GRB10: variants seen among roughly 807,000 people sequenced by gnomAD.
GRB10 encodes the protein growth factor receptor bound protein 10.
In GRB10, 20 loss-of-function variants were observed where a neutral mutation model predicts 80.9. The observed-to-expected ratio is 0.25, with a 90% CI of 0.17 to 0.36. The LOEUF (loss-of-function observed/expected upper bound fraction) is 0.36. Among genes scored for constraint, GRB10 ranks in the 10% least tolerant of loss-of-function variants. The pLI is 1.00. For synonymous variants in GRB10, 291 were observed against 291.5 expected (o/e 1.00, Z 0.02); for missense variants, 548 against 747.7 (o/e 0.73, Z 3.12).
At chr7:50,776,718 C>T (rs1025191115) in intron 2 of GRB10, among the ~76,000 whole-genome samples, 4 of 152,218 alleles carry the variant, frequency 2.6e-5, no homozygotes, top group East Asian at 1.9e-4. Context: ...AAGTTCTTTG[C>T]GCCTTTGTAG....
At chr7:50,648,977 G>A (rs2057635526) in intron 7 of GRB10, among the ~76,000 whole-genome samples, 2 of 152,108 alleles carry the variant, frequency 1.3e-5, no homozygotes, top group East Asian at 1.9e-4. Context: ...GAGTGGCCAC[G>A]GGACTTGGGG....
At chr7:50,778,513 G>A (rs187087771) in intron 2 of GRB10, among the ~76,000 whole-genome samples, 14 of 152,230 alleles carry the variant, frequency 9.2e-5, no homozygotes, top group Admixed American at 3.3e-4. Context: ...TCAAAAGGTG[G>A]CATTAAGTAG....
intron 4 of GRB10, among the ~76,000 whole-genome samples, 165 bp downstream of exon 4, chr7:50,732,107 A>G (rs2069865802): frequency 6.6e-6 from 1 of 152,232 alleles, no homozygotes; most frequent in South Asian, 2.1e-4. Flanking sequence ...CGAGGCAGAA[A>G]GGGCAGTGGG....
At position 50,590,186 on chromosome 7, in the gene GRB10, G is replaced by C. The variant is rs1293870686; in HGVS notation, c.*2766C>G. On this transcript the variant is annotated 3_prime_UTR_variant, in exon 19 of 19. Coordinates refer to ENST00000401949, the MANE Select transcript of GRB10 (RefSeq NM_001350814.2). ...TTCACGAGCCAAAGAGCTATGTACAGAATGAAGCAAAGCACATGGAATAAA... is the reference window on the plus strand; with the variant it reads ...TTCACGAGCCAAAGAGCTATGTACACAATGAAGCAAAGCACATGGAATAAA... The C allele has an allele frequency of 6.6e-6, 1 of 152,214 alleles. No individual in the cohort carries two copies. The highest frequency in any genetic ancestry group is 1.5e-5 in the Non-Finnish European group (1 of 68,042). The allele number at this position is 152,214 out of a possible 1,614,324, so 9.4% of individuals were successfully genotyped here. A position where few individuals can be genotyped will look rare whatever the true frequency, so the allele number is the denominator to read the frequency against.
chr7:50,646,657 C>T lies in GRB10; in HGVS notation c.505-19679G>A, dbSNP rs1327603159. Reference sequence around the variant, plus strand: ...GTGCTAGATTCCGCAAATTGTCACGCCCTGACTGAATGAACCAGCTTCTTT... The same window carrying T: ...GTGCTAGATTCCGCAAATTGTCACGTCCTGACTGAATGAACCAGCTTCTTT... On this transcript the variant is annotated intron_variant, in intron 7 of 18. Transcript: ENST00000401949. 9.2e-5 allele frequency among the ~76,000 whole-genome samples: 14 copies of T among 152,118 alleles called. No individual in the cohort carries two copies. In the East Asian group the frequency reaches 2.7e-3, roughly 29 times the overall value.
chr7:50,593,945 T>C (rs191807744), intron 18 of GRB10, among the ~76,000 whole-genome samples: 1 of 151,906 alleles, frequency 6.6e-6, no homozygotes, highest in Admixed American at 6.6e-5. Flanking sequence ...GATTTGGGCA[T>C]TACACACTCT....
intron 5 of GRB10, among the ~76,000 whole-genome samples, chr7:50,699,861 C>T (rs558286957): frequency 3.9e-5 from 6 of 152,176 alleles, no homozygotes; most frequent in South Asian, 4.1e-4. Flanking sequence ...TGGGGCCAGG[C>T]GCGGTGGCTC....
At chr7:50,629,396 C>T (rs2053578691) in intron 7 of GRB10, among the ~76,000 whole-genome samples, 1 of 152,132 alleles carries the variant, frequency 6.6e-6, no homozygotes, top group South Asian at 2.1e-4. Flanking sequence ...CGTCCACATC[C>T]ACTCCTTTTA....
At chr7:50,773,195 A>C (rs2077152455) in intron 2 of GRB10, among the ~76,000 whole-genome samples, 1 of 152,056 alleles carries the variant, frequency 6.6e-6, no homozygotes, top group South Asian at 2.1e-4. Context: ...AGCATGGGAA[A>C]GACCCAACCC....
intron 7 of GRB10, among the ~76,000 whole-genome samples, chr7:50,646,149 C>A (rs926336427): frequency 6.6e-6 from 1 of 152,176 alleles, no homozygotes; most frequent in Non-Finnish European, 1.5e-5. Flanking sequence ...AAGCTGCAAA[C>A]AAAAGTAAGC....
In GRB10 at chr7:50,592,657, C is replaced by G. The variant is rs1340845170; in HGVS notation, c.*295G>C. ...CAATCACTTCTCTCCGGTTCTTGTT[C>G]CTAAGCGGCCCAAGCCAAGATGATC... is the stretch of plus-strand genomic sequence containing the variant. On this transcript the variant is annotated 3_prime_UTR_variant, in exon 19 of 19. Transcript: ENST00000401949. 2 of 470,202 alleles carry G rather than the reference C, an allele frequency of 4.3e-6. No homozygotes were observed. The highest frequency in any genetic ancestry group is 7.8e-6 in the Non-Finnish European group (2 of 255,864). 29.1% of individuals were successfully genotyped at this position (470,202 alleles called of 1,614,324 possible).
At chr7:50,654,951 T>C (rs1371935470) in intron 7 of GRB10, among the ~76,000 whole-genome samples, 2 of 152,206 alleles carry the variant, frequency 1.3e-5, no homozygotes, top group African/African-American at 2.4e-5. Context: ...CTGACTCCTG[T>C]CCTTTTAGAA....
chr7:50,646,674 A>G (rs1563278575), intron 7 of GRB10, among the ~76,000 whole-genome samples: 2 of 152,338 alleles, frequency 1.3e-5, no homozygotes, highest in Non-Finnish European at 2.9e-5. Context: ...TGAATGAACC[A>G]GCTTCTTTGG....
At chr7:50,775,174 C>CAAAAAAAAAAAAAAAAAAAAAAAAA (rs1305513693) in intron 2 of GRB10, among the ~76,000 whole-genome samples, 1 of 71,452 alleles carries the variant, frequency 1.4e-5, no homozygotes, top group Admixed American at 2.1e-4. Context: ...AAAAAAAAAA[C>CAAAAAAAAAAAAAAAAAAAAAAAAA]AAAAAAAAAC....
chr7:50,674,678 A>C lies in GRB10; in HGVS notation c.140-20T>G, dbSNP rs755746041. The C allele has an allele frequency of 6.2e-7, 1 of 1,607,184 alleles. No individual in the cohort carries two copies. The highest frequency in any genetic ancestry group is 8.5e-7 in the Non-Finnish European group (1 of 1,174,828). On this transcript the variant is annotated intron_variant, in intron 5 of 18. Transcript: ENST00000401949. ...CATCCTCTGCACAGAAAAAGGCAAG[A>C]GCAAAAAAGAAACTTTAACAATGGA...
chr7:50,649,657 G>A (rs1458199420), intron 7 of GRB10, among the ~76,000 whole-genome samples: 3 of 152,202 alleles, frequency 2.0e-5, no homozygotes, highest in African/African-American at 4.8e-5. Context: ...GCAAGGTGAG[G>A]TGAGCAGGAG....
At chr7:50,773,491 G>T (rs1337914428) in intron 2 of GRB10, among the ~76,000 whole-genome samples, 3 of 109,618 alleles carry the variant, frequency 2.7e-5, no homozygotes, top group Non-Finnish European at 4.0e-5. Flanking sequence ...GGCAGGGGAG[G>T]GGAGGGGAGG....
chr7:50,757,909 G>C (rs1012311948), intron 2 of GRB10, among the ~76,000 whole-genome samples: 1 of 152,184 alleles, frequency 6.6e-6, no homozygotes, highest in African/African-American at 2.4e-5. Context: ...TGTAAGACAT[G>C]TGCTTGAAAG....
chr7:50,695,659 C>T (rs979155764), intron 5 of GRB10, among the ~76,000 whole-genome samples: 1 of 152,136 alleles, frequency 6.6e-6, no homozygotes, highest in African/African-American at 2.4e-5. Flanking sequence ...TATACCGCTG[C>T]CAAAACCAAC....
Sources: allele counts gnomAD v4.1 joint callset (sites outside exome capture counted in the v4.1 genomes callset), GRCh38; gene constraint gnomAD v4.1.1; transcripts MANE v1.5; gene names NCBI Gene and HGNC (gene_info 2026-07-23, HGNC 2026-07-21).